CCDC39: variants seen among roughly 807,000 people sequenced by gnomAD.
CCDC39 encodes the protein coiled-coil domain 39 molecular ruler complex subunit, also known as coiled-coil domain-containing protein 39.
CCDC39 carries 113 observed loss-of-function variants against 121.0 expected under a neutral mutation model. That is an observed-to-expected ratio of 0.93 (90% confidence interval 0.80 to 1.09). The LOEUF is 1.09. Among genes scored for constraint, CCDC39 ranks in the 50% least tolerant of loss-of-function variants. CCDC39 has a pLI of 0.00. For synonymous variants in CCDC39, 349 were observed against 352.2 expected, an observed-to-expected ratio of 0.99 and a Z score of 0.10; for missense variants, 1,063 against 1,074.7, an observed-to-expected ratio of 0.99 and a Z score of 0.15.
chr3:180,657,283 C>G (rs925430730), intron 6 of CCDC39, among the ~76,000 whole-genome samples: 4 of 152,212 alleles, frequency 2.6e-5, no homozygotes, highest in African/African-American at 9.6e-5. Context: ...TCCTTAGTCT[C>G]TGACAGCACA....
chr3:180,616,431 T>TA (rs1243636610), intron 18 of CCDC39, 68 bp from the exon 19 acceptor site: 1 of 1,507,266 alleles, frequency 6.6e-7, no homozygotes, highest in African/African-American at 1.4e-5. Flanking sequence ...TATTTTTAAT[T>TA]AGCTTTCACT....
In CCDC39 at chr3:180,649,396, G is replaced by C. The variant is rs55668237; in HGVS notation, c.1168-1037C>G. 4.5e-3 allele frequency among the ~76,000 whole-genome samples: 682 copies of C among 152,224 alleles called. 2 individuals are homozygous for C. The highest frequency in any genetic ancestry group is 0.016 in the African/African-American group (650 of 41,540). ...AAATGCTGAAATAATTTGCCTATGT[G>C]ATCTTATACCCAAATAAGTATATTT... On this transcript the variant is annotated intron_variant, in intron 9 of 19. Coordinates refer to ENST00000476379, the MANE Select transcript of CCDC39 (RefSeq NM_181426.2).
intron 1 of CCDC39, among the ~76,000 whole-genome samples, chr3:180,678,727 T>C (rs2108438538): frequency 6.6e-6 from 1 of 152,240 alleles, no homozygotes. Flanking sequence ...GTAAAATTTC[T>C]TATGTTAATC....
chr3:180,658,282 T>TAAA (rs111715766), intron 6 of CCDC39, among the ~76,000 whole-genome samples: 29 of 119,692 alleles, frequency 2.4e-4, no homozygotes, highest in South Asian at 1.3e-3. Flanking sequence ...AGAACCTCCT[T>TAAA]AAAAAAAAAA....
intron 14 of CCDC39, among the ~76,000 whole-genome samples, chr3:180,625,901 A>G (rs1487367211): frequency 6.6e-6 from 1 of 151,860 alleles, no homozygotes; most frequent in East Asian, 1.9e-4. Flanking sequence ...CTCAGGCCAG[A>G]GAGTAGCTTA....
chr3:180,653,228 A>C (rs937114472), intron 7 of CCDC39, among the ~76,000 whole-genome samples: 4 of 152,208 alleles, frequency 2.6e-5, no homozygotes, highest in African/African-American at 9.6e-5. Flanking sequence ...TGCCAGAACC[A>C]CAGCCTTGCA....
chr3:180,638,041 G>C (rs1377466370), intron 13 of CCDC39, among the ~76,000 whole-genome samples: 1 of 151,996 alleles, frequency 6.6e-6, no homozygotes, highest in Non-Finnish European at 1.5e-5. Flanking sequence ...AAGTTTACCT[G>C]TATAACAAAC....
chr3:180,677,572 T>C (rs1304011036), intron 1 of CCDC39, among the ~76,000 whole-genome samples: 1 of 152,052 alleles, frequency 6.6e-6, no homozygotes, highest in Non-Finnish European at 1.5e-5. Context: ...AACCATTTAA[T>C]TTTTTCTTAA....
At chr3:180,638,589 C>T (rs1717886190) in intron 13 of CCDC39, among the ~76,000 whole-genome samples, 1 of 151,672 alleles carries the variant, frequency 6.6e-6, no homozygotes, top group African/African-American at 2.4e-5. Context: ...AAAGTAAAGA[C>T]ATAATATTAA....
chr3:180,674,651 C>A (rs572817275), intron 1 of CCDC39, among the ~76,000 whole-genome samples: 1 of 152,158 alleles, frequency 6.6e-6, no homozygotes, highest in South Asian at 2.1e-4. Context: ...GAGATACGGC[C>A]CATCAATACC....
intron 12 of CCDC39, among the ~76,000 whole-genome samples, chr3:180,642,839 A>G (rs1717988600): frequency 6.6e-6 from 1 of 152,180 alleles, no homozygotes; most frequent in African/African-American, 2.4e-5. Flanking sequence ...TTCTAAGCAT[A>G]AAAATTAAAA....
chr3:180,648,102 G>GT, intron 10 of CCDC39, 63 bp downstream of exon 10: 1 of 1,303,078 alleles, frequency 7.7e-7, no homozygotes, highest in East Asian at 2.4e-5. Flanking sequence ...AGAACATGGC[G>GT]TATCTTGACC....
intron 4 of CCDC39, among the ~76,000 whole-genome samples, chr3:180,660,157 A>G (rs1386640770): frequency 6.6e-6 from 1 of 152,102 alleles, no homozygotes; most frequent in Non-Finnish European, 1.5e-5. Flanking sequence ...TTTATAACAT[A>G]ATCAATAGCA....
chr3:180,619,178 A>C lies in CCDC39; in HGVS notation c.2265+81T>G, dbSNP rs896252395. On this transcript the variant is annotated intron_variant, in intron 16 of 19. Coordinates refer to ENST00000476379, the MANE Select transcript of CCDC39 (RefSeq NM_181426.2). ...TTCTAAATAACTGTCTTCTTGGTGG[A>C]AGAGCAAGAGAATAGAAGTAGCAGT... The C allele has an allele frequency of 7.0e-6, 5 of 716,782 alleles. No individual in the cohort carries two copies. In the African/African-American group the frequency reaches 7.2e-5, roughly 10 times the overall value. The allele number at this position is 716,782 out of a possible 1,614,324, so 44.4% of individuals were successfully genotyped here.
chr3:180,679,455 A>C lies in CCDC39; in HGVS notation c.-75T>G. The C allele has an allele frequency of 1.4e-6, 2 of 1,386,270 alleles. No homozygotes were observed. The highest frequency in any genetic ancestry group is 2.1e-6 in the Non-Finnish European group (2 of 973,300). 85.9% of individuals were successfully genotyped at this position (1,386,270 alleles called of 1,614,324 possible). Reference sequence around the variant, plus strand: ...CAGCGGGTGAGCAGCACCCGCGTCAAGCCCAGGCACCTGCACAGTGCCGCG... The same window carrying C: ...CAGCGGGTGAGCAGCACCCGCGTCACGCCCAGGCACCTGCACAGTGCCGCG... On this transcript the variant is annotated 5_prime_UTR_variant, in exon 1 of 20. Transcript: ENST00000476379. The surrounding 1 kb of genome is among the most constrained non-coding windows in gnomAD (Gnocchi z 4.0).
chr3:180,675,916 T>TG (rs59933135), intron 1 of CCDC39, among the ~76,000 whole-genome samples: 38,705 of 151,962 alleles, frequency 0.25, 5,701 homozygotes, highest in East Asian at 0.4. Context: ...ATTTAATAAA[T>TG]GTGCTGGGAA....
At chr3:180,664,104 A>G in intron 1 of CCDC39, 118 bp from the exon 2 acceptor site, 1 of 834,680 alleles carries the variant, frequency 1.2e-6, no homozygotes, top group Non-Finnish European at 1.8e-6. Context: ...TTGGACTGCT[A>G]TAACAAAAAT....
intron 1 of CCDC39, among the ~76,000 whole-genome samples, chr3:180,677,152 A>G (rs1434643053): frequency 7.8e-5 from 9 of 115,012 alleles, no homozygotes; most frequent in Admixed American, 3.8e-4. Flanking sequence ...TTATAATAAT[A>G]ATAATAATAA....
chr3:180,643,650 A>T (rs948264239), intron 12 of CCDC39, among the ~76,000 whole-genome samples: 2 of 152,172 alleles, frequency 1.3e-5, no homozygotes, highest in Non-Finnish European at 2.9e-5. Context: ...TCAAGACGCT[A>T]AAAATATTCA....
Sources: allele counts gnomAD v4.1 joint callset (sites outside exome capture counted in the v4.1 genomes callset), GRCh38; gene constraint gnomAD v4.1.1; non-coding constraint Gnocchi (gnomAD v3.1); transcripts MANE v1.5; gene names NCBI Gene and HGNC (gene_info 2026-07-23, HGNC 2026-07-21).